AFG1L: variants seen among roughly 807,000 people sequenced by gnomAD.
AFG1L encodes AFG1 like ATPase.
Under a neutral mutation model 62.2 loss-of-function variants are expected in AFG1L, and 53 were observed. The ratio of observed to expected loss-of-function variants is 0.85; its 90% CI spans 0.68 to 1.07. The LOEUF (loss-of-function observed/expected upper bound fraction) is 1.07. Ranked by LOEUF, AFG1L falls within the 50% of genes least tolerant of loss-of-function variation. AFG1L has a pLI of 0.00. For synonymous variants in AFG1L, 228 were observed against 210.3 expected (o/e 1.08, Z -0.73); for missense variants, 555 against 590.5 (o/e 0.94, Z 0.62).
intron 7 of AFG1L, among the ~76,000 whole-genome samples, chr6:108,417,418 G>T (rs1770368479): frequency 1.3e-5 from 2 of 152,010 alleles, no homozygotes; most frequent in African/African-American, 4.8e-5. Context: ...AGACTTAAAA[G>T]ACAATTAAGT....
At chr6:108,435,758 T>C (rs1771281056) in intron 7 of AFG1L, among the ~76,000 whole-genome samples, 1 of 152,138 alleles carries the variant, frequency 6.6e-6, no homozygotes, top group South Asian at 2.1e-4. Flanking sequence ...TTGCTGACCT[T>C]ATAACTGGCA....
At chr6:108,399,386 C>T (rs1337031520) in intron 6 of AFG1L, among the ~76,000 whole-genome samples, 3 of 151,668 alleles carry the variant, frequency 2.0e-5, no homozygotes, top group African/African-American at 7.3e-5. Flanking sequence ...CAGGGTTTCA[C>T]CGTGTTGGCC....
Position 108,463,675 on chromosome 6 carries a change from A to C in AFG1L, c.891-13190A>C, listed in dbSNP as rs145243480. 1.4e-4 allele frequency among the ~76,000 whole-genome samples: 22 copies of C among 152,280 alleles called. No individual in the cohort carries two copies. The East Asian group carries it at 3.3e-3, about 23-fold the overall frequency. ...CAGGTCAAGATTAATGGAACCAGGT[A>C]AGTTACTCTCCAGGTGATTGAGAAG... On this transcript the variant is annotated intron_variant, in intron 8 of 12. Transcript: ENST00000368977.
At chr6:108,306,316 G>A (rs1292519491) in intron 1 of AFG1L, among the ~76,000 whole-genome samples, 1 of 152,086 alleles carries the variant, frequency 6.6e-6, no homozygotes, top group Non-Finnish European at 1.5e-5. Context: ...TCTTTTTGAG[G>A]CTTCCTATTG....
At chr6:108,308,653 C>G (rs1328201694) in intron 1 of AFG1L, among the ~76,000 whole-genome samples, 1 of 151,838 alleles carries the variant, frequency 6.6e-6, no homozygotes, top group Non-Finnish European at 1.5e-5. Context: ...AGCTAGGACT[C>G]TAGGGTTGTG....
chr6:108,364,756 A>G (rs534128293), intron 5 of AFG1L, among the ~76,000 whole-genome samples: 9 of 152,210 alleles, frequency 5.9e-5, no homozygotes, highest in African/African-American at 2.2e-4. Context: ...CTCCAAATTA[A>G]ATAATATCAG....
At chr6:108,354,682 C>T (rs1005323008) in intron 3 of AFG1L, among the ~76,000 whole-genome samples, 1 of 152,044 alleles carries the variant, frequency 6.6e-6, no homozygotes, top group African/African-American at 2.4e-5. Flanking sequence ...ATATGCTAGA[C>T]AAAGGGATGA....
intron 7 of AFG1L, among the ~76,000 whole-genome samples, chr6:108,439,704 T>C (rs1252571150): frequency 6.6e-6 from 1 of 152,224 alleles, no homozygotes; most frequent in African/African-American, 2.4e-5. Context: ...TATTAAGTTA[T>C]ACTTAAATTA....
intron 8 of AFG1L, among the ~76,000 whole-genome samples, chr6:108,453,060 C>T (rs774638642): frequency 3.3e-5 from 5 of 152,254 alleles, no homozygotes; most frequent in Admixed American, 1.3e-4. Flanking sequence ...GGGCATTTAC[C>T]GGACATTAGA....
At chr6:108,422,550 G>A (rs1400947893) in intron 7 of AFG1L, among the ~76,000 whole-genome samples, 1 of 135,110 alleles carries the variant, frequency 7.4e-6, no homozygotes, top group Admixed American at 7.8e-5. Flanking sequence ...GTATTTTGTT[G>A]GGGGAAGGAG....
chr6:108,431,503 T>C (rs1293225811), intron 7 of AFG1L, among the ~76,000 whole-genome samples: 1 of 152,056 alleles, frequency 6.6e-6, no homozygotes, highest in Non-Finnish European at 1.5e-5. Flanking sequence ...AGATAGAGTA[T>C]GGAAGAAAAA....
chr6:108,521,099 C>T (rs1374096073), intron 12 of AFG1L: 1 of 152,202 alleles, frequency 6.6e-6, no homozygotes. Context: ...GAAACCATCC[C>T]CCTGCCCCTG....
intron 3 of AFG1L, among the ~76,000 whole-genome samples, chr6:108,349,526 T>G (rs1778998106): frequency 6.6e-6 from 1 of 151,986 alleles, no homozygotes. Flanking sequence ...AAGTTTTCAT[T>G]TGAGGGGCTC....
chr6:108,495,168 A>G (rs1562195305), intron 10 of AFG1L, among the ~76,000 whole-genome samples: 1 of 152,220 alleles, frequency 6.6e-6, no homozygotes, highest in Non-Finnish European at 1.5e-5. Flanking sequence ...TTTGTTTTGA[A>G]AAGGATACAT....
intron 5 of AFG1L, among the ~76,000 whole-genome samples, chr6:108,361,148 A>G (rs1447850218): frequency 6.6e-6 from 1 of 152,160 alleles, no homozygotes; most frequent in Non-Finnish European, 1.5e-5. Flanking sequence ...CACACAGGAA[A>G]CTTGTTTATA....
intron 2 of AFG1L, among the ~76,000 whole-genome samples, chr6:108,333,421 A>G (rs1042608104): frequency 6.6e-6 from 1 of 151,598 alleles, no homozygotes; most frequent in Non-Finnish European, 1.5e-5. Context: ...AAAAAAAAAA[A>G]TTGATTATGG....
At chr6:108,318,257 T>C (rs1391950155) in intron 1 of AFG1L, 1 of 321,088 alleles carries the variant, frequency 3.1e-6, no homozygotes, top group Non-Finnish European at 5.9e-6. Flanking sequence ...AAGCTGATTT[T>C]CCAGAAAAAG....
chr6:108,442,189 C>CT (rs554023221), intron 7 of AFG1L, among the ~76,000 whole-genome samples: 5,994 of 142,960 alleles, frequency 0.042, 133 homozygotes, highest in Middle Eastern at 0.089. Context: ...TTTCCTTCTT[C>CT]TTTTTTTTTT....
chr6:108,510,016 C>T (rs189649265), intron 10 of AFG1L, among the ~76,000 whole-genome samples, 196 bp from the exon 11 acceptor site: 15 of 152,274 alleles, frequency 9.9e-5, no homozygotes. Context: ...AGAATAACTA[C>T]ATGCTCAAGG....
Sources: gnomAD v4.1 joint callset for allele counts (sites outside exome capture counted in the v4.1 genomes callset) on GRCh38, gnomAD v4.1.1 for gene constraint, MANE v1.5 for transcripts, NCBI Gene and HGNC (gene_info 2026-07-23, HGNC 2026-07-21) for gene names.